IL10RA: variants seen among roughly 807,000 people sequenced by gnomAD.
IL10RA encodes the protein interleukin 10 receptor subunit alpha.
Under a neutral mutation model 29.6 loss-of-function variants are expected in IL10RA, and 18 were observed. The observed-to-expected ratio is 0.61, with a 90% CI of 0.42 to 0.90. The LOEUF (loss-of-function observed/expected upper bound fraction) is 0.90. Among genes scored for constraint, IL10RA ranks in the 40% least tolerant of loss-of-function variants. IL10RA has a pLI of 0.00. For missense variants in IL10RA, 634 were observed against 716.6 expected, an observed-to-expected ratio of 0.88 and a Z score of 1.32; for synonymous variants, 292 against 294.1, an observed-to-expected ratio of 0.99 and a Z score of 0.07.
At chr11:117,998,438 C>T (rs536912869) in intron 6 of IL10RA, among the ~76,000 whole-genome samples, 1 of 152,330 alleles carries the variant, frequency 6.6e-6, no homozygotes, top group East Asian at 1.9e-4. Context: ...GATGGAGCCA[C>T]CTGAGAGTTT....
chr11:117,986,613 G>A (rs1388645455), intron 1 of IL10RA, 79 bp downstream of exon 1: 1 of 1,543,354 alleles, frequency 6.5e-7, no homozygotes, highest in Admixed American at 2.0e-5. Flanking sequence ...CCAGTGGAGA[G>A]CCCTGGCTGG....
rs565171276 is a variant in IL10RA at position 117,991,143 on chromosome 11, A to G, written c.367+1523A>G. Among the ~76,000 whole-genome samples, 78 of 152,344 alleles carry G rather than the reference A, an allele frequency of 5.1e-4. 1 individual carries two copies. The highest frequency in any genetic ancestry group is 5.9e-5 in the Non-Finnish European group (4 of 68,032). On this transcript the variant is annotated intron_variant, in intron 3 of 6. Coordinates refer to ENST00000227752, the MANE Select transcript of IL10RA (RefSeq NM_001558.4). The stretch of plus-strand genomic sequence containing the variant: ...AACTCAGGAGGCAGAGGTTGCAGTG[A>G]GCCAAGATCAAGCCATTGCACTCCA...
At position 117,993,102 on chromosome 11, in the gene IL10RA, C is replaced by A. The variant is rs4252269; in HGVS notation, c.368-139C>A. 8.2e-4 allele frequency: 603 copies of A among 733,016 alleles called. 1 individual carries two copies. In the African/African-American group the frequency reaches 9.7e-3, roughly 12 times the overall value. 45.4% of individuals were successfully genotyped at this position (733,016 alleles called of 1,614,324 possible). ...CCCAAGAAGTCCTTACATTCTGCTG[C>A]ATTGACAAACCTGTGGCCAAGTTTT... is the stretch of plus-strand genomic sequence containing the variant. On this transcript the variant is annotated intron_variant, in intron 3 of 6. Transcript: ENST00000227752.
chr11:117,986,779 G>A (rs770085627), intron 1 of IL10RA: 2 of 1,526,768 alleles, frequency 1.3e-6, no homozygotes, highest in Middle Eastern at 1.7e-4. Context: ...CCCCCAACCC[G>A]CAAACCTCAT....
At chr11:117,986,832 T>G in intron 1 of IL10RA, 1 of 1,481,592 alleles carries the variant, frequency 6.7e-7, no homozygotes, top group Non-Finnish European at 9.0e-7. Flanking sequence ...AGCTCTAGGT[T>G]TTTTGCTGTT....
In IL10RA at chr11:117,999,647, G is replaced by T; in HGVS notation, c.*6G>T. The T allele has an allele frequency of 1.2e-6, 2 of 1,611,990 alleles. No homozygotes were observed. Among genetic ancestry groups the T allele is most frequent in the Non-Finnish European group, 8.5e-7 (1 of 1,178,390 alleles). On this transcript the variant is annotated 3_prime_UTR_variant, in exon 7 of 7. Coordinates refer to ENST00000227752, the MANE Select transcript of IL10RA (RefSeq NM_001558.4). ...GCCTGCAGTCAAGTGAGTGACTCGG[G>T]CTGAGAGGCTGCTTTTGATTTTAGC...
intron 5 of IL10RA, among the ~76,000 whole-genome samples, chr11:117,994,433 A>G (rs1336598779): frequency 1.3e-5 from 2 of 152,158 alleles, no homozygotes; most frequent in Non-Finnish European, 2.9e-5. Context: ...GGTGTTTCCC[A>G]ACAACATCCC....
At chr11:117,986,921 T>G in intron 1 of IL10RA, 11 of 968,748 alleles carry the variant, frequency 1.1e-5, no homozygotes, top group Non-Finnish European at 1.3e-5. Context: ...TAGTCGACTC[T>G]TCAACTAACC....
chr11:118,002,621 A>G (rs1210847676), downstream of IL10RA: 2 of 152,288 alleles, frequency 1.3e-5, no homozygotes, highest in African/African-American at 4.8e-5. Context: ...CGACAGATCA[A>G]AGAGCAGCTT....
rs572945136 is a variant in IL10RA at position 117,988,486 on chromosome 11, G to A, written c.172G>A (p.Glu58Lys). Reference sequence around the variant, plus strand: ...AAATCAGTCTGAAAGTACCTGCTATGAAGTGGCGCTCCTGAGGTGAGGAAA... The same window carrying A: ...AAATCAGTCTGAAAGTACCTGCTATAAAGTGGCGCTCCTGAGGTGAGGAAA... ...IPNQSESTCYEVALLRYGIES... is the reference protein window; with the variant it reads ...IPNQSESTCYKVALLRYGIES... Residue 58 changes from glutamate to lysine, a missense_variant, in exon 2 of 7, where the codon GAA becomes AAA. Coordinates refer to ENST00000227752, the MANE Select transcript of IL10RA (RefSeq NM_001558.4). The A allele has an allele frequency of 1.8e-4, 287 of 1,614,152 alleles. 2 individuals are homozygous for A. In the South Asian group the frequency reaches 2.6e-3, roughly 15 times the overall value.
intron 1 of IL10RA, 59 bp from the exon 2 acceptor site, chr11:117,988,323 T>A: frequency 1.2e-6 from 2 of 1,609,498 alleles, no homozygotes; most frequent in Non-Finnish European, 1.7e-6. Flanking sequence ...TTTGGTAAAA[T>A]TGGGGTCATC....
At chr11:117,987,479 G>A (rs1027555570) in intron 1 of IL10RA, 5 of 154,782 alleles carry the variant, frequency 3.2e-5, no homozygotes, top group African/African-American at 4.8e-5. Flanking sequence ...ACACTAGGGA[G>A]CGGGAGCAGA....
At chr11:117,986,795 A>G (rs1369262624) in intron 1 of IL10RA, 2 of 1,522,534 alleles carry the variant, frequency 1.3e-6, no homozygotes, top group Non-Finnish European at 1.8e-6. Context: ...CTCATCATCC[A>G]CCCACTTCTA....
chr11:117,993,019 A>C, intron 3 of IL10RA: 1 of 567,416 alleles, frequency 1.8e-6, no homozygotes, highest in Non-Finnish European at 3.2e-6. Context: ...TGGGCTGTCC[A>C]TCATATTCCA....
Position 117,989,542 on chromosome 11 carries a change from C to G in IL10RA, c.289C>G (p.Arg97Gly). The change falls in exon 3 of 7, where the codon CGG (arginine) becomes GGG (glycine). Residue 97 changes from arginine (R) to glycine (G), a missense_variant. Arg to Gly is a moderately radical substitution (Grantham distance 125). Transcript: ENST00000227752. The surrounding 1 kb of genome is among the most constrained non-coding windows in gnomAD (Gnocchi z 4.5). Reference sequence around the variant, plus strand: ...GGACCTGTACCACAGCAATGGCTACCGGGCCAGAGTGCGGGCTGTGGACGG... The same window carrying G: ...GGACCTGTACCACAGCAATGGCTACGGGGCCAGAGTGCGGGCTGTGGACGG... ...TLDLYHSNGY[R>G]ARVRAVDGSR... The G allele has an allele frequency of 6.2e-7, 1 of 1,614,156 alleles. No homozygotes were observed. The highest frequency in any genetic ancestry group is 8.5e-7 in the Non-Finnish European group (1 of 1,180,028).
rs1194073624 is a variant in IL10RA at position 117,998,839 on chromosome 11, A to T, written c.935A>T (p.Asp312Val). 3 of 1,614,154 alleles carry T rather than the reference A, an allele frequency of 1.9e-6. No individual in the cohort carries two copies. Among genetic ancestry groups the T allele is most frequent in the South Asian group, 1.1e-5 (1 of 91,076 alleles). ...LKVSPELKNL[D>V]LHGSTDSGFG... is the part of the protein sequence containing the mutation. ...GTGTCCCCAGAGCTGAAGAACTTGG[A>T]CCTGCACGGCAGCACAGACAGTGGC... is the stretch of plus-strand genomic sequence containing the variant. Residue 312 changes from aspartate (D) to valine (V), a missense_variant, in exon 7 of 7, where the codon GAC becomes GTC. Physicochemically the swap from Asp to Val is radical, Grantham distance 152. Coordinates refer to ENST00000227752, the MANE Select transcript of IL10RA (RefSeq NM_001558.4).
intron 3 of IL10RA, among the ~76,000 whole-genome samples, chr11:117,992,643 T>C (rs1050925329): frequency 2.0e-5 from 3 of 152,240 alleles, no homozygotes; most frequent in African/African-American, 7.2e-5. Context: ...ATTCATAGAT[T>C]GTGTCTTCAC....
In IL10RA at chr11:117,989,835, C is replaced by G; in HGVS notation, c.367+215C>G. 1 of 620,074 alleles carries G rather than the reference C, an allele frequency of 1.6e-6. No homozygotes were observed. The highest frequency in any genetic ancestry group is 2.9e-6 in the Non-Finnish European group (1 of 347,826). The allele number at this position is 620,074 out of a possible 1,614,324, so 38.4% of individuals were successfully genotyped here. A position where few individuals can be genotyped will look rare whatever the true frequency, so the allele number is the denominator to read the frequency against. On this transcript the variant is annotated intron_variant, in intron 3 of 6. Transcript: ENST00000227752. The surrounding 1 kb of genome is among the most constrained non-coding windows in gnomAD (Gnocchi z 4.5). ...TTAAAAGGGAACTGGAGTTGTTTAT[C>G]CTACAGAAGAGAGGTCTTGGGGTGG... is the stretch of plus-strand genomic sequence containing the variant.
At chr11:117,994,701 A>T (rs2058045433) in intron 5 of IL10RA, among the ~76,000 whole-genome samples, 1 of 152,170 alleles carries the variant, frequency 6.6e-6, no homozygotes. Context: ...GGCTGGGGAG[A>T]TAGAGTGTGC....
Sources: allele counts gnomAD v4.1 joint callset (sites outside exome capture counted in the v4.1 genomes callset), GRCh38; gene constraint gnomAD v4.1.1; non-coding constraint Gnocchi (gnomAD v3.1); transcripts MANE v1.5; gene names NCBI Gene and HGNC (gene_info 2026-07-23, HGNC 2026-07-21).